Variants in EXOC4 observed in about 807,000 individuals in gnomAD.
EXOC4 encodes exocyst complex component 4.
In EXOC4, 71 loss-of-function variants were observed where a neutral mutation model predicts 107.2. The ratio of observed to expected loss-of-function variants is 0.66; its 90% CI spans 0.55 to 0.81. EXOC4 has a LOEUF of 0.81. EXOC4 is among the 30% of genes least tolerant of loss of function. The pLI is 0.00. For synonymous variants in EXOC4, 456 were observed against 441.2 expected, an observed-to-expected ratio of 1.03 and a Z score of -0.42; for missense variants, 1,108 against 1,189.6, an observed-to-expected ratio of 0.93 and a Z score of 1.01.
At chr7:133,861,256 G>T (rs1798527883) in intron 11 of EXOC4, among the ~76,000 whole-genome samples, 1 of 152,154 alleles carries the variant, frequency 6.6e-6, no homozygotes, top group African/African-American at 2.4e-5. Context: ...TTGGGTGCAT[G>T]AGAATTGCCT....
chr7:133,453,094 T>C (rs924385829), intron 7 of EXOC4, among the ~76,000 whole-genome samples: 1 of 152,208 alleles, frequency 6.6e-6, no homozygotes, highest in Non-Finnish European at 1.5e-5. Flanking sequence ...GAGCTTAACA[T>C]AAATCACTAA....
At chr7:133,750,316 C>T (rs1171919274) in intron 10 of EXOC4, among the ~76,000 whole-genome samples, 1 of 152,058 alleles carries the variant, frequency 6.6e-6, no homozygotes, top group Non-Finnish European at 1.5e-5. Flanking sequence ...GTTTAAGGAT[C>T]ATTGACCTGA....
intron 14 of EXOC4, among the ~76,000 whole-genome samples, chr7:133,966,795 G>T (rs1321461632): frequency 6.6e-6 from 1 of 152,040 alleles, no homozygotes; most frequent in Non-Finnish European, 1.5e-5. Context: ...TGTTGTTGTT[G>T]TTATGTTTCT....
intron 9 of EXOC4, among the ~76,000 whole-genome samples, chr7:133,604,536 G>A (rs983464559): frequency 6.6e-6 from 1 of 151,528 alleles, no homozygotes; most frequent in African/African-American, 2.4e-5. Flanking sequence ...GGTATATGCT[G>A]TCCATCATTG....
At chr7:133,962,523 C>T (rs372882360) in intron 14 of EXOC4, among the ~76,000 whole-genome samples, 2 of 152,152 alleles carry the variant, frequency 1.3e-5, no homozygotes, top group African/African-American at 2.4e-5. Context: ...GTGCCACCTT[C>T]GACCCTCTGG....
intron 9 of EXOC4, among the ~76,000 whole-genome samples, chr7:133,499,861 A>G (rs945267625): frequency 1.3e-5 from 2 of 152,142 alleles, no homozygotes; most frequent in African/African-American, 2.4e-5. Context: ...AGAAGCCGCT[A>G]TGCTTCCTGC....
chr7:133,693,331 C>T (rs367924302), intron 10 of EXOC4, among the ~76,000 whole-genome samples: 1 of 152,094 alleles, frequency 6.6e-6, no homozygotes, highest in East Asian at 1.9e-4. Flanking sequence ...GGATGTAGGC[C>T]GGAAGACTCA....
At chr7:133,796,587 A>T (rs1297855454) in intron 10 of EXOC4, among the ~76,000 whole-genome samples, 1 of 152,062 alleles carries the variant, frequency 6.6e-6, no homozygotes, top group African/African-American at 2.4e-5. Flanking sequence ...GTGAAACCCC[A>T]TCTCTACAAA....
intron 4 of EXOC4, among the ~76,000 whole-genome samples, chr7:133,310,540 A>T (rs1794848481): frequency 6.6e-6 from 1 of 152,320 alleles, no homozygotes; most frequent in Non-Finnish European, 1.5e-5. Flanking sequence ...ATTTATTGGA[A>T]AGTTATCAGG....
intron 6 of EXOC4, among the ~76,000 whole-genome samples, chr7:133,367,961 C>A (rs1278186534): frequency 1.3e-5 from 2 of 152,142 alleles, no homozygotes; most frequent in Non-Finnish European, 2.9e-5. Context: ...ACTACCTGCC[C>A]CTTGTAGAAG....
intron 10 of EXOC4, among the ~76,000 whole-genome samples, chr7:133,784,700 C>T (rs1585142916): frequency 2.6e-5 from 4 of 152,262 alleles, no homozygotes; most frequent in Admixed American, 2.6e-4. Context: ...ATTACAGAAT[C>T]CCAAGTTTAT....
At chr7:133,461,812 A>G (rs962085822) in intron 7 of EXOC4, among the ~76,000 whole-genome samples, 2 of 152,214 alleles carry the variant, frequency 1.3e-5, no homozygotes, top group African/African-American at 4.8e-5. Flanking sequence ...CTTTCAATTT[A>G]GGTAACTTAA....
At chr7:133,584,580 T>TTG (rs1554475081) in intron 9 of EXOC4, among the ~76,000 whole-genome samples, 3 of 135,698 alleles carry the variant, frequency 2.2e-5, no homozygotes, top group Non-Finnish European at 4.8e-5. Context: ...TTCAGTTTTT[T>TTG]TTTTGTTTTT....
intron 7 of EXOC4, among the ~76,000 whole-genome samples, chr7:133,391,981 ATTAC>A (rs1162618300): frequency 1.3e-5 from 2 of 152,354 alleles, no homozygotes; most frequent in Middle Eastern, 3.4e-3. Flanking sequence ...AAATAAAGGA[ATTAC>A]TTACTTTCCG....
chr7:133,814,430 C>A (rs1797314737), intron 10 of EXOC4, among the ~76,000 whole-genome samples: 1 of 152,122 alleles, frequency 6.6e-6, no homozygotes, highest in Non-Finnish European at 1.5e-5. Flanking sequence ...AATTGATGAA[C>A]TTTTAGGTTA....
At chr7:133,296,582 T>C (rs1387093217) in intron 3 of EXOC4, among the ~76,000 whole-genome samples, 1 of 152,170 alleles carries the variant, frequency 6.6e-6, no homozygotes, top group African/African-American at 2.4e-5. Context: ...GGGTTTGTGG[T>C]AGCTGTTTTT....
intron 7 of EXOC4, among the ~76,000 whole-genome samples, chr7:133,442,077 C>T (rs1296966695): frequency 6.6e-6 from 1 of 152,298 alleles, no homozygotes; most frequent in South Asian, 2.1e-4. Context: ...TTGCCATAAA[C>T]AATGGCAAAC....
rs778759626 is a variant in EXOC4 at position 133,997,482 on chromosome 7, T to TA, written c.2207-9dup. ...AATGAAATGATTGGTGTTTTATCCT[T>TA]ACCTTTCAGTGCTTTCTCCTGCTCA... On this transcript the variant is annotated splice_polypyrimidine_tract_variant and intron_variant, in intron 14 of 17. Coordinates refer to ENST00000253861, the MANE Select transcript of EXOC4 (RefSeq NM_021807.4). The TA allele has an allele frequency of 5.0e-6, 8 of 1,613,250 alleles. No homozygotes were observed. The African/African-American group carries it at 1.1e-4, about 22-fold the overall frequency.
intron 17 of EXOC4, 176 bp downstream of exon 17, chr7:134,008,011 A>G: frequency 1.7e-6 from 1 of 591,218 alleles, no homozygotes; most frequent in East Asian, 3.1e-5. Context: ...ATTCTATTGA[A>G]TTTTGTTACT....
Sources: allele counts gnomAD v4.1 joint callset (sites outside exome capture counted in the v4.1 genomes callset), GRCh38; gene constraint gnomAD v4.1.1; transcripts MANE v1.5; gene names NCBI Gene and HGNC (gene_info 2026-07-23, HGNC 2026-07-21).